Variants in MCPH1 observed in about 807,000 individuals in gnomAD.
The protein encoded by MCPH1 is microcephalin 1.
Under a neutral mutation model 84.5 loss-of-function variants are expected in MCPH1, and 104 were observed. The observed-to-expected ratio is 1.23, with a 90% confidence interval of 1.05 to 1.45. The LOEUF (loss-of-function observed/expected upper bound fraction) is 1.45. Ranked by LOEUF, MCPH1 falls within the 40% of genes most tolerant of loss-of-function variation. MCPH1 has a pLI of 0.00. For synonymous variants in MCPH1, 514 were observed against 366.8 expected (o/e 1.40, Z -4.58); for missense variants, 1,498 against 1,005.7 (o/e 1.49, Z -6.62).
chr8:6,410,626 C>A (rs944161392), intron 2 of MCPH1, among the ~76,000 whole-genome samples: 1 of 152,184 alleles, frequency 6.6e-6, no homozygotes, highest in Non-Finnish European at 1.5e-5. Context: ...CTAAACCGAT[C>A]ACTTTGATGA....
intron 12 of MCPH1, chr8:6,513,745 A>C: frequency 6.2e-7 from 1 of 1,613,948 alleles, no homozygotes; most frequent in Non-Finnish European, 8.5e-7. Context: ...TTCCCTTCCC[A>C]GTCTTTAAGG....
intron 13 of MCPH1, chr8:6,625,225 T>A: frequency 2.0e-6 from 2 of 985,322 alleles, no homozygotes; most frequent in South Asian, 9.4e-5. Flanking sequence ...TAAAACAGAG[T>A]CATAGCCTCC....
chr8:6,611,168 A>G (rs1490545062), intron 12 of MCPH1, among the ~76,000 whole-genome samples: 3 of 151,816 alleles, frequency 2.0e-5, no homozygotes, highest in Non-Finnish European at 4.4e-5. Flanking sequence ...CACTTCTGAC[A>G]CCAAATGTAT....
chr8:6,619,270 C>T (rs1831166555), intron 12 of MCPH1: 1 of 152,216 alleles, frequency 6.6e-6, no homozygotes, highest in Non-Finnish European at 1.5e-5. Flanking sequence ...TATACCCTTC[C>T]GTATTGCTTC....
At chr8:6,579,066 G>A (rs934508218) in intron 12 of MCPH1, among the ~76,000 whole-genome samples, 1 of 152,180 alleles carries the variant, frequency 6.6e-6, no homozygotes, top group Non-Finnish European at 1.5e-5. Context: ...GCTGCTTCCC[G>A]ATATTGAGAA....
At chr8:6,407,704 A>G (rs138135433) in intron 1 of MCPH1, among the ~76,000 whole-genome samples, 1 of 152,036 alleles carries the variant, frequency 6.6e-6, no homozygotes, top group South Asian at 2.1e-4. Context: ...TTTTAGCGTT[A>G]CCCCCAATCA....
chr8:6,416,364 G>C (rs900505920), intron 3 of MCPH1, among the ~76,000 whole-genome samples: 1 of 152,180 alleles, frequency 6.6e-6, no homozygotes, highest in Non-Finnish European at 1.5e-5. Context: ...GAAGTGGTGA[G>C]AATGGACGTC....
At chr8:6,457,267 G>T (rs1459055001) in intron 9 of MCPH1, among the ~76,000 whole-genome samples, 1 of 152,092 alleles carries the variant, frequency 6.6e-6, no homozygotes, top group Non-Finnish European at 1.5e-5. Context: ...TTCTGGTTCT[G>T]TGTGAAGAAT....
At chr8:6,435,627 G>C (rs141535273) in intron 4 of MCPH1, among the ~76,000 whole-genome samples, 2 of 152,094 alleles carry the variant, frequency 1.3e-5, no homozygotes, top group Non-Finnish European at 2.9e-5. Flanking sequence ...TTACATGCTT[G>C]GTTCACCTGG....
chr8:6,425,418 C>G (rs533371733), intron 3 of MCPH1, among the ~76,000 whole-genome samples: 2 of 152,312 alleles, frequency 1.3e-5, no homozygotes, highest in South Asian at 4.1e-4. Flanking sequence ...AGTGTAGCAG[C>G]TTTAATGTGT....
At chr8:6,473,696 A>C (rs1180108364) in intron 9 of MCPH1, 3 of 372,380 alleles carry the variant, frequency 8.1e-6, no homozygotes, top group Non-Finnish European at 1.4e-5. Context: ...ATGGAGAAAA[A>C]GAAACATAGG....
At chr8:6,612,521 GTGCC>G (rs1830373759) in intron 12 of MCPH1, among the ~76,000 whole-genome samples, 1 of 152,160 alleles carries the variant, frequency 6.6e-6, no homozygotes, top group Non-Finnish European at 1.5e-5. Context: ...TTCAGCACCG[GTGCC>G]TGCCCCGCTC....
intron 4 of MCPH1, among the ~76,000 whole-genome samples, chr8:6,435,163 G>T (rs1435978354): frequency 6.6e-6 from 1 of 152,052 alleles, no homozygotes; most frequent in Admixed American, 6.5e-5. Context: ...ATTTAATGAC[G>T]GTAGGGCAAG....
At chr8:6,461,873 A>T (rs1191937299) in intron 9 of MCPH1, among the ~76,000 whole-genome samples, 1 of 152,226 alleles carries the variant, frequency 6.6e-6, no homozygotes. Context: ...ACACGAATGT[A>T]ATTTTTTTTT....
intron 8 of MCPH1, 46 bp downstream of exon 8, chr8:6,445,593 T>C: frequency 6.5e-7 from 1 of 1,531,864 alleles, no homozygotes; most frequent in Non-Finnish European, 8.7e-7. Flanking sequence ...AATAAACATG[T>C]AACAGTGCAT....
intron 13 of MCPH1, chr8:6,626,599 T>C: frequency 2.0e-6 from 2 of 984,796 alleles, no homozygotes; most frequent in Non-Finnish European, 2.4e-6. Flanking sequence ...CTTTACCTGA[T>C]ATTGATAATA....
chr8:6,445,273 C>T lies in MCPH1; in HGVS notation c.1551C>T (p.Asp517=), dbSNP rs750574812. 38 of 1,614,052 alleles carry T rather than the reference C, an allele frequency of 2.4e-5. No individual in the cohort carries two copies. The South Asian group carries it at 2.5e-4, about 11-fold the overall frequency. Residue 517 remains aspartate (D), a synonymous_variant, in exon 8 of 14, where the codon GAC becomes GAT. Transcript: ENST00000344683. ...LRCCRQAGKE[D]ACPEGNGFSY... ...GTTGTAGACAGGCTGGGAAAGAAGA[C>T]GCATGCCCAGAGGGAAATGGCTTTT...
At position 6,558,998 on chromosome 8, in the gene MCPH1, T is replaced by A. The variant is rs2129575599; in HGVS notation, c.2214+59069T>A. On this transcript the variant is annotated intron_variant, in intron 12 of 13. Coordinates refer to ENST00000344683, the MANE Select transcript of MCPH1 (RefSeq NM_024596.5). ...GTGAAACTGTCTCTTCTACATTCCT[T>A]ACTGCATTCCTTACTATATAGTAAT... 1.3e-5 allele frequency among the ~76,000 whole-genome samples: 2 copies of A among 152,278 alleles called. 1 individual carries two copies. Among genetic ancestry groups the A allele is most frequent in the South Asian group, 4.1e-4 (2 of 4,824 alleles).
chr8:6,409,428 A>T, intron 2 of MCPH1, 58 bp downstream of exon 2: 3 of 1,366,620 alleles, frequency 2.2e-6, no homozygotes, highest in Non-Finnish European at 3.1e-6. Flanking sequence ...GTAAAAAGTT[A>T]CATTTGCATT....
Sources: gnomAD v4.1 joint callset for allele counts (sites outside exome capture counted in the v4.1 genomes callset) on GRCh38, gnomAD v4.1.1 for gene constraint, MANE v1.5 for transcripts, NCBI Gene and HGNC (gene_info 2026-07-23, HGNC 2026-07-21) for gene names.